RGS17: variants seen among roughly 807,000 people sequenced by gnomAD.
The protein encoded by RGS17 is regulator of G-protein signaling 17.
A neutral mutation model predicts 25.5 loss-of-function variants in RGS17; 12 were observed. The ratio of observed to expected loss-of-function variants is 0.47; its 90% CI spans 0.30 to 0.76. RGS17 has a LOEUF of 0.76. RGS17 is among the 30% of genes least tolerant of loss of function. The probability of loss-of-function intolerance (pLI) is 0.07; values close to 1 mark genes in which losing one functional copy is unlikely to be tolerated. For synonymous variants in RGS17, 71 were observed against 76.9 expected, an observed-to-expected ratio of 0.92 and a Z score of 0.40; for missense variants, 196 against 242.2, an observed-to-expected ratio of 0.81 and a Z score of 1.27.
chr6:153,068,396 G>A (rs539947176), intron 1 of RGS17, among the ~76,000 whole-genome samples: 4 of 152,254 alleles, frequency 2.6e-5, no homozygotes, highest in African/African-American at 7.2e-5. Flanking sequence ...GGAGTGAACC[G>A]AGATCGCGCC....
intron 1 of RGS17, among the ~76,000 whole-genome samples, chr6:153,093,744 T>A (rs561207246): frequency 4.7e-4 from 71 of 152,276 alleles, no homozygotes; most frequent in Non-Finnish European, 9.1e-4. Context: ...GGGATTAATA[T>A]ACAATAAATT....
At position 153,015,067 on chromosome 6, in the gene RGS17, CTAGAAT is replaced by C. The variant is rs536061888; in HGVS notation, c.445-3311_445-3306del. Among the ~76,000 whole-genome samples the C allele has an allele frequency of 2.6e-4, 39 of 152,240 alleles. No homozygotes were observed. The South Asian group carries it at 7.9e-3, about 31-fold the overall frequency. Reference sequence around the variant, plus strand: ...AGATGTGGTGGAAATGGTAATAGAACTAGAATTAGAAGTGGAGCCTGAGGATAGGAC... The same window carrying C: ...AGATGTGGTGGAAATGGTAATAGAACTAGAAGTGGAGCCTGAGGATAGGAC... On this transcript the variant is annotated intron_variant, in intron 4 of 4. Transcript: ENST00000206262.
intron 1 of RGS17, among the ~76,000 whole-genome samples, chr6:153,062,863 G>C (rs1022273700): frequency 1.1e-4 from 16 of 152,246 alleles, no homozygotes; most frequent in African/African-American, 3.9e-4. Context: ...CCTAGCTTCT[G>C]TATGACATTG....
chr6:153,013,775 T>C (rs1303088616), intron 4 of RGS17, among the ~76,000 whole-genome samples: 2 of 152,200 alleles, frequency 1.3e-5, no homozygotes, highest in African/African-American at 2.4e-5. Flanking sequence ...CAAACCCTAA[T>C]CCAGAGCAAG....
intron 1 of RGS17, among the ~76,000 whole-genome samples, chr6:153,069,453 G>C (rs1375978541): frequency 6.6e-6 from 1 of 152,134 alleles, no homozygotes; most frequent in African/African-American, 2.4e-5. Context: ...CCAGAGGCCA[G>C]GAAGGGTATT....
intron 1 of RGS17, among the ~76,000 whole-genome samples, chr6:153,054,021 TATA>T (rs1562321468): frequency 1.9e-5 from 1 of 52,400 alleles, no homozygotes. Context: ...TATATATGTA[TATA>T]ATATATATAC....
chr6:153,122,744 A>T (rs1015983677), intron 1 of RGS17, among the ~76,000 whole-genome samples: 8 of 152,052 alleles, frequency 5.3e-5, no homozygotes, highest in African/African-American at 1.9e-4. Flanking sequence ...ATATGAGTAA[A>T]CACCTATTTT....
At chr6:153,075,801 G>C (rs1246381192) in intron 1 of RGS17, among the ~76,000 whole-genome samples, 1 of 152,208 alleles carries the variant, frequency 6.6e-6, no homozygotes, top group Non-Finnish European at 1.5e-5. Flanking sequence ...GTATTCATTT[G>C]TGTATGTGTA....
At chr6:153,101,472 G>C (rs1264281517) in intron 1 of RGS17, among the ~76,000 whole-genome samples, 1 of 152,158 alleles carries the variant, frequency 6.6e-6, no homozygotes, top group South Asian at 2.1e-4. Flanking sequence ...GTATGCTACC[G>C]ATTTAAAAGT....
chr6:153,043,352 T>A (rs932610052), intron 2 of RGS17, among the ~76,000 whole-genome samples: 11 of 152,292 alleles, frequency 7.2e-5, no homozygotes, highest in African/African-American at 2.4e-4. Context: ...ACCTTTTAGA[T>A]AGGTAGTTGT....
intron 1 of RGS17, among the ~76,000 whole-genome samples, chr6:153,086,679 C>G (rs1016174280): frequency 6.6e-6 from 1 of 152,160 alleles, no homozygotes; most frequent in Non-Finnish European, 1.5e-5. Context: ...TATTATTTAA[C>G]TAACTCCATC....
In RGS17 at chr6:153,009,152, A is replaced by G. The variant is rs1054693803; in HGVS notation, c.*2422T>C. On this transcript the variant is annotated 3_prime_UTR_variant, in exon 5 of 5. Transcript: ENST00000206262. ...TTTTACATTTGGTAAAATATTAAAG[A>G]TATTGTCAAACAGACAATTCATCTA... The G allele has an allele frequency of 6.6e-6, 1 of 152,180 alleles. No homozygotes were observed. Among genetic ancestry groups the G allele is most frequent in the African/African-American group, 2.4e-5 (1 of 41,464 alleles). 9.4% of individuals were successfully genotyped at this position (152,180 alleles called of 1,614,324 possible). A position where few individuals can be genotyped will look rare whatever the true frequency, so the allele number is the denominator to read the frequency against.
intron 1 of RGS17, among the ~76,000 whole-genome samples, chr6:153,052,147 C>G (rs1463330117): frequency 6.6e-6 from 1 of 152,266 alleles, no homozygotes; most frequent in East Asian, 1.9e-4. Flanking sequence ...GGGGGTAGGA[C>G]TGGGAGGAGC....
chr6:153,049,337 G>A (rs1165138476), intron 1 of RGS17, among the ~76,000 whole-genome samples: 2 of 152,062 alleles, frequency 1.3e-5, no homozygotes, highest in Non-Finnish European at 2.9e-5. Flanking sequence ...AACAAAAATT[G>A]TATAAGAACT....
At chr6:153,037,215 C>T (rs945406527) in intron 2 of RGS17, among the ~76,000 whole-genome samples, 2 of 151,310 alleles carry the variant, frequency 1.3e-5, no homozygotes, top group Non-Finnish European at 2.9e-5. Flanking sequence ...CACACACACA[C>T]ACACACAGGA....
At chr6:153,064,297 G>T (rs1776677100) in intron 1 of RGS17, among the ~76,000 whole-genome samples, 1 of 152,036 alleles carries the variant, frequency 6.6e-6, no homozygotes. Context: ...TCAAGACATA[G>T]ACAGTACAAT....
intron 2 of RGS17, among the ~76,000 whole-genome samples, chr6:153,028,977 C>T (rs537924278): frequency 2.9e-4 from 44 of 152,222 alleles, no homozygotes; most frequent in African/African-American, 1.1e-3. Flanking sequence ...GCATGAATCA[C>T]GAGTTTCTGA....
chr6:153,090,780 C>T (rs1381104312), intron 1 of RGS17, among the ~76,000 whole-genome samples: 1 of 152,120 alleles, frequency 6.6e-6, no homozygotes, highest in African/African-American at 2.4e-5. Context: ...TGCTACCTTC[C>T]ATCAGTCACA....
intron 1 of RGS17, among the ~76,000 whole-genome samples, chr6:153,106,038 A>G (rs1777377853): frequency 6.6e-6 from 1 of 152,144 alleles, no homozygotes; most frequent in African/African-American, 2.4e-5. Context: ...AAACGGAGAA[A>G]CAGAACAGAG....
Sources: gnomAD v4.1 joint callset for allele counts (sites outside exome capture counted in the v4.1 genomes callset) on GRCh38, gnomAD v4.1.1 for gene constraint, MANE v1.5 for transcripts, NCBI Gene and HGNC (gene_info 2026-07-23, HGNC 2026-07-21) for gene names.